SLC9A9: variants seen among roughly 807,000 people sequenced by gnomAD.
The protein encoded by SLC9A9 is sodium/hydrogen exchanger 9.
In SLC9A9, 62 loss-of-function variants were observed where a neutral mutation model predicts 77.8. The ratio of observed to expected loss-of-function variants is 0.80; its 90% confidence interval spans 0.65 to 0.98. The LOEUF (loss-of-function observed/expected upper bound fraction) is 0.98. Among genes scored for constraint, SLC9A9 ranks in the 50% least tolerant of loss-of-function variants. The pLI, the probability that SLC9A9 is intolerant of heterozygous loss-of-function variation, is 0.00. For missense variants in SLC9A9, 775 were observed against 774.9 expected, an observed-to-expected ratio of 1.00 and a Z score of 0.00; for synonymous variants, 320 against 283.5, an observed-to-expected ratio of 1.13 and a Z score of -1.29.
intron 12 of SLC9A9, among the ~76,000 whole-genome samples, chr3:143,421,804 C>A (rs937355121): frequency 3.0e-4 from 46 of 152,136 alleles, no homozygotes; most frequent in African/African-American, 1.0e-3. Flanking sequence ...AAACAGGCCA[C>A]CCACAGAATA....
chr3:143,298,853 C>G (rs2030394501), intron 14 of SLC9A9, among the ~76,000 whole-genome samples: 1 of 152,104 alleles, frequency 6.6e-6, no homozygotes, highest in South Asian at 2.1e-4. Flanking sequence ...AACTTTTTAC[C>G]TTTTCTGCTG....
At chr3:143,408,667 A>G (rs956474555) in intron 12 of SLC9A9, among the ~76,000 whole-genome samples, 1 of 152,222 alleles carries the variant, frequency 6.6e-6, no homozygotes, top group Admixed American at 6.5e-5. Context: ...TATTTCCAAA[A>G]TCCCCTTCTT....
At chr3:143,786,318 C>G (rs1350263051) in intron 4 of SLC9A9, among the ~76,000 whole-genome samples, 3 of 152,204 alleles carry the variant, frequency 2.0e-5, no homozygotes, top group Non-Finnish European at 4.4e-5. Context: ...TTTACCACAA[C>G]AATCTTACAT....
In SLC9A9 at chr3:143,692,755, G is replaced by T. The variant is rs923847497; in HGVS notation, c.649+437C>A. 4.6e-5 allele frequency among the ~76,000 whole-genome samples: 7 copies of T among 152,264 alleles called. No individual in the cohort carries two copies. In the Middle Eastern group the frequency reaches 0.01, roughly 222 times the overall value. On this transcript the variant is annotated intron_variant, in intron 5 of 15. Transcript: ENST00000316549. ...CTTTTGGGTTCCCTGCACCACATTG[G>T]AAGAAGAATAATTTTCTTGGGCCAC...
intron 13 of SLC9A9, among the ~76,000 whole-genome samples, chr3:143,372,351 G>A (rs1403055379): frequency 3.3e-5 from 5 of 152,046 alleles, no homozygotes; most frequent in African/African-American, 1.2e-4. Context: ...GCACGGTACT[G>A]GTATAAAAGT....
chr3:143,560,934 A>G (rs144080065), intron 8 of SLC9A9, among the ~76,000 whole-genome samples: 9,812 of 152,220 alleles, frequency 0.064, 577 homozygotes, highest in African/African-American at 0.16. Context: ...TAATCCCAGC[A>G]CTTTGGGAGG....
At chr3:143,268,030 G>A (rs910710618) in intron 15 of SLC9A9, among the ~76,000 whole-genome samples, 1 of 152,220 alleles carries the variant, frequency 6.6e-6, no homozygotes, top group African/African-American at 2.4e-5. Flanking sequence ...TCCCAAGTGA[G>A]GCTGCTGGTT....
At chr3:143,659,275 C>A (rs960610221) in intron 5 of SLC9A9, among the ~76,000 whole-genome samples, 1 of 151,512 alleles carries the variant, frequency 6.6e-6, no homozygotes, top group Non-Finnish European at 1.5e-5. Context: ...AATCAAACAC[C>A]AAAAAAAATC....
At chr3:143,470,137 G>T (rs892322522) in intron 11 of SLC9A9, among the ~76,000 whole-genome samples, 4 of 152,160 alleles carry the variant, frequency 2.6e-5, no homozygotes, top group African/African-American at 9.7e-5. Flanking sequence ...TCATGGTAAA[G>T]CTTCTAGCAG....
intron 4 of SLC9A9, among the ~76,000 whole-genome samples, chr3:143,757,371 A>T (rs2006958213): frequency 6.6e-6 from 1 of 152,132 alleles, no homozygotes; most frequent in African/African-American, 2.4e-5. Flanking sequence ...TTAAATTTAA[A>T]TTTTTATAAA....
intron 14 of SLC9A9, among the ~76,000 whole-genome samples, chr3:143,270,082 T>C (rs111349191): frequency 6.6e-6 from 1 of 152,182 alleles, no homozygotes; most frequent in Non-Finnish European, 1.5e-5. Context: ...CTTGTTATGA[T>C]GCGAGGAGAG....
At chr3:143,827,833 T>C (rs1057475675) in intron 2 of SLC9A9, among the ~76,000 whole-genome samples, 7 of 152,200 alleles carry the variant, frequency 4.6e-5, no homozygotes, top group Non-Finnish European at 1.0e-4. Context: ...CCCTTTAAAA[T>C]ATATCACAAA....
intron 12 of SLC9A9, among the ~76,000 whole-genome samples, chr3:143,455,828 T>A (rs1576509952): frequency 6.6e-6 from 1 of 151,684 alleles, no homozygotes; most frequent in African/African-American, 2.4e-5. Flanking sequence ...TTTTTCTATA[T>A]AAACAATTAT....
intron 14 of SLC9A9, among the ~76,000 whole-genome samples, chr3:143,351,598 T>A (rs1237022105): frequency 6.6e-6 from 1 of 151,596 alleles, no homozygotes; most frequent in Non-Finnish European, 1.5e-5. Flanking sequence ...TTCCAAAGAG[T>A]GGGATTTGTA....
chr3:143,746,460 T>C (rs1935198755), intron 4 of SLC9A9, among the ~76,000 whole-genome samples: 1 of 152,208 alleles, frequency 6.6e-6, no homozygotes, highest in African/African-American at 2.4e-5. Context: ...TCTATGTCTC[T>C]CTCACCTGTT....
chr3:143,463,289 G>C (rs1195241138), intron 12 of SLC9A9, among the ~76,000 whole-genome samples: 2 of 152,146 alleles, frequency 1.3e-5, no homozygotes, highest in Admixed American at 1.3e-4. Flanking sequence ...TGTGGTATGG[G>C]CTCCATTCTC....
chr3:143,656,837 T>C (rs1355722464), intron 5 of SLC9A9, among the ~76,000 whole-genome samples: 2 of 152,224 alleles, frequency 1.3e-5, no homozygotes, highest in Admixed American at 6.5e-5. Flanking sequence ...GCTGAATCGG[T>C]GTCAGGCCTG....
chr3:143,725,253 T>G (rs1240250370), intron 4 of SLC9A9, among the ~76,000 whole-genome samples: 1 of 152,100 alleles, frequency 6.6e-6, no homozygotes, highest in South Asian at 2.1e-4. Context: ...CTGGAAAGGA[T>G]GTGGAGAAAT....
chr3:143,666,732 C>A (rs995475714), intron 5 of SLC9A9, among the ~76,000 whole-genome samples: 1 of 152,100 alleles, frequency 6.6e-6, no homozygotes, highest in Non-Finnish European at 1.5e-5. Context: ...CCATTCACAA[C>A]TGCTTCAAAG....
Sources: allele counts gnomAD v4.1 joint callset (sites outside exome capture counted in the v4.1 genomes callset), GRCh38; gene constraint gnomAD v4.1.1; transcripts MANE v1.5; gene names NCBI Gene and HGNC (gene_info 2026-07-23, HGNC 2026-07-21).